ITPK1: variants seen among roughly 807,000 people sequenced by gnomAD.
The protein encoded by ITPK1 is inositol 1,3,4-trisphosphate 5/6-kinase.
ITPK1 carries 21 observed loss-of-function variants against 45.3 expected under a neutral mutation model. That is an observed-to-expected ratio of 0.46 (90% CI 0.33 to 0.67). The LOEUF is 0.67. ITPK1 is among the 30% of genes least tolerant of loss of function. The pLI, the probability that ITPK1 is intolerant of heterozygous loss-of-function variation, is 0.02. For missense variants in ITPK1, 474 were observed against 573.5 expected (o/e 0.83, Z 1.77); for synonymous variants, 258 against 253.6 (o/e 1.02, Z -0.16).
chr14:92,945,211 C>A (rs1468742247), intron 10 of ITPK1, among the ~76,000 whole-genome samples: 1 of 152,280 alleles, frequency 6.6e-6, no homozygotes, highest in East Asian at 1.9e-4. Flanking sequence ...TGGGCGACAG[C>A]AGCCCTGGGT....
intron 3 of ITPK1, among the ~76,000 whole-genome samples, chr14:93,043,820 C>T (rs1176286290): frequency 1.3e-5 from 2 of 152,200 alleles, no homozygotes. Flanking sequence ...TCCCAGACCA[C>T]AGCCCCACCC....
intron 9 of ITPK1, among the ~76,000 whole-genome samples, chr14:92,946,838 T>C (rs1887714640): frequency 6.6e-6 from 1 of 152,254 alleles, no homozygotes; most frequent in Non-Finnish European, 1.5e-5. Flanking sequence ...TTTGGACCCA[T>C]ATTTTTTAGC....
At chr14:93,101,520 A>G (rs975140586) in intron 2 of ITPK1, among the ~76,000 whole-genome samples, 2 of 152,196 alleles carry the variant, frequency 1.3e-5, no homozygotes, top group African/African-American at 2.4e-5. Flanking sequence ...TAAGGCCCAG[A>G]GAGGAGCTGA....
chr14:93,024,407 G>C (rs978907597), intron 3 of ITPK1, among the ~76,000 whole-genome samples: 4 of 152,232 alleles, frequency 2.6e-5, no homozygotes, highest in Non-Finnish European at 5.9e-5. Flanking sequence ...CGCCTGTGGA[G>C]TGAGGGTAAA....
chr14:93,022,668 C>G (rs1053190920), intron 3 of ITPK1, among the ~76,000 whole-genome samples: 1 of 152,058 alleles, frequency 6.6e-6, no homozygotes, highest in Non-Finnish European at 1.5e-5. Flanking sequence ...TGCACCACCA[C>G]ACCCAGCTAA....
rs150215402 is a variant in ITPK1, at chr14:93,002,704, C to T, written c.247-8707G>A. ...TAGATCCAGTTTGCGATTTCCTTTC[C>T]CAGAGGGAAAGGCAAAGATGGTCAG... On this transcript the variant is annotated intron_variant, in intron 4 of 10. Coordinates refer to ENST00000267615, the MANE Select transcript of ITPK1 (RefSeq NM_014216.6). Among the ~76,000 whole-genome samples the T allele has an allele frequency of 3.3e-3, 498 of 152,210 alleles. 1 individual carries two copies. Among genetic ancestry groups the T allele is most frequent in the African/African-American group, 0.011 (469 of 41,518 alleles).
chr14:92,938,499 C>G lies in ITPK1; in HGVS notation c.*3062G>C. 1 of 1,613,584 alleles carries G rather than the reference C, an allele frequency of 6.2e-7. No individual in the cohort carries two copies. On this transcript the variant is annotated 3_prime_UTR_variant, in exon 11 of 11. Transcript: ENST00000267615. Reference sequence around the variant, plus strand: ...CTTCCTACTTCAGTCGGTCTTCCAGCCTTCTATAAAGCACACTTGGCAGTC... The same window carrying G: ...CTTCCTACTTCAGTCGGTCTTCCAGGCTTCTATAAAGCACACTTGGCAGTC...
At chr14:93,037,286 G>C (rs1365152484) in intron 3 of ITPK1, among the ~76,000 whole-genome samples, 1 of 152,266 alleles carries the variant, frequency 6.6e-6, no homozygotes, top group Admixed American at 6.5e-5. Context: ...TAGGACGTCA[G>C]ATCCTGCCTG....
chr14:93,001,879 G>A (rs1486449870), intron 4 of ITPK1, among the ~76,000 whole-genome samples: 1 of 152,164 alleles, frequency 6.6e-6, no homozygotes, highest in Non-Finnish European at 1.5e-5. Context: ...TGAAACCCTG[G>A]AAGTCTCTGG....
intron 4 of ITPK1, among the ~76,000 whole-genome samples, chr14:93,001,186 A>C (rs1460014133): frequency 6.6e-6 from 1 of 151,708 alleles, no homozygotes; most frequent in Non-Finnish European, 1.5e-5. Flanking sequence ...CCAGCTACTC[A>C]GGAGGCTGAG....
chr14:93,051,913 AG>A (rs1206335002), intron 3 of ITPK1, among the ~76,000 whole-genome samples: 1 of 152,244 alleles, frequency 6.6e-6, no homozygotes, highest in African/African-American at 2.4e-5. Flanking sequence ...AGAAATGCCA[AG>A]AATAAGTACC....
chr14:93,009,315 G>C (rs537630394), intron 4 of ITPK1, among the ~76,000 whole-genome samples: 23 of 152,320 alleles, frequency 1.5e-4, no homozygotes, highest in Non-Finnish European at 2.8e-4. Context: ...CCCAGACCTT[G>C]AGCTGAAAAA....
At chr14:92,976,899 A>G (rs1885971540) in intron 5 of ITPK1, among the ~76,000 whole-genome samples, 1 of 152,208 alleles carries the variant, frequency 6.6e-6, no homozygotes, top group Non-Finnish European at 1.5e-5. Context: ...CTGAGTCTGG[A>G]AAGAGTTAAG....
intron 3 of ITPK1, chr14:93,066,291 C>T (rs1200529594): frequency 3.1e-5 from 14 of 452,116 alleles, no homozygotes; most frequent in Admixed American, 1.7e-4. Context: ...GGTGTGCGTG[C>T]GTGTGTGCGC....
chr14:93,027,621 A>C, intron 3 of ITPK1, among the ~76,000 whole-genome samples: 1 of 152,164 alleles, frequency 6.6e-6, no homozygotes. Context: ...CGTCTACAAC[A>C]TGTGCACGCA....
Position 92,939,575 on chromosome 14 carries a change from C to T in ITPK1, c.*1986G>A, listed in dbSNP as rs191849894. On this transcript the variant is annotated 3_prime_UTR_variant, in exon 11 of 11. Transcript: ENST00000267615. Reference sequence around the variant, plus strand: ...TCCACTCTTGGAAAATGCAGCTGCCCTGCACACCCACAGCCCCGCCCCCGC... The same window carrying T: ...TCCACTCTTGGAAAATGCAGCTGCCTTGCACACCCACAGCCCCGCCCCCGC... 12 of 558,050 alleles carry T rather than the reference C, an allele frequency of 2.2e-5. No individual in the cohort carries two copies. Among genetic ancestry groups the T allele is most frequent in the Non-Finnish European group, 2.3e-5 (10 of 439,478 alleles). The allele number at this position is 558,050 out of a possible 1,614,324, so 34.6% of individuals were successfully genotyped here.
At position 92,962,208 on chromosome 14, in the gene ITPK1, G is replaced by T. The variant is rs368211330; in HGVS notation, c.504+147C>A. The T allele has an allele frequency of 6.3e-5, 45 of 711,756 alleles. No individual in the cohort carries two copies. The East Asian group carries it at 7.2e-4, about 11-fold the overall frequency. The allele number at this position is 711,756 out of a possible 1,614,324, so 44.1% of individuals were successfully genotyped here. On this transcript the variant is annotated intron_variant, in intron 7 of 10. Coordinates refer to ENST00000267615, the MANE Select transcript of ITPK1 (RefSeq NM_014216.6). ...CCCGCTCGATTCCTCTGGAGTCCAG[G>T]GAAGGGAAGGAGGCTATCTACCAAG...
At chr14:92,954,024 G>A (rs1175552041) in intron 8 of ITPK1, among the ~76,000 whole-genome samples, 1 of 152,156 alleles carries the variant, frequency 6.6e-6, no homozygotes, top group East Asian at 1.9e-4. Flanking sequence ...CTCCTGAGTA[G>A]GTGGGATTAC....
chr14:93,022,515 CTTTT>C (rs750617400), intron 3 of ITPK1, among the ~76,000 whole-genome samples: 1 of 137,950 alleles, frequency 7.2e-6, no homozygotes, highest in Admixed American at 7.3e-5. Flanking sequence ...AAGACCACAT[CTTTT>C]TTTTTTTTTT....
Sources: gnomAD v4.1 joint callset for allele counts (sites outside exome capture counted in the v4.1 genomes callset) on GRCh38, gnomAD v4.1.1 for gene constraint, MANE v1.5 for transcripts, NCBI Gene and HGNC (gene_info 2026-07-23, HGNC 2026-07-21) for gene names.